ASAP2: variants seen among roughly 807,000 people sequenced by gnomAD.
ASAP2 encodes ArfGAP with SH3 domain, ankyrin repeat and PH domain 2.
A neutral mutation model predicts 131.4 loss-of-function variants in ASAP2; 45 were observed. That is an observed-to-expected ratio of 0.34 (90% CI 0.27 to 0.44). ASAP2 has a LOEUF of 0.44. Among genes scored for constraint, ASAP2 ranks in the 20% least tolerant of loss-of-function variants. The pLI is 1.00. For missense variants in ASAP2, 1,011 were observed against 1,297.0 expected, an observed-to-expected ratio of 0.78 and a Z score of 3.39; for synonymous variants, 510 against 503.0, an observed-to-expected ratio of 1.01 and a Z score of -0.19.
rs1672892582 is a variant in ASAP2, at chr2:9,358,866, G to A, written c.1438G>A (p.Val480Ile). ...CAGGATGCAGTCCCTGACCTTAGAT[G>A]TACTGGGAACATCTGAGCTGCTGGT... is the stretch of plus-strand genomic sequence containing the variant. ...YSRMQSLTLD[V>I]LGTSELLLAK... Residue 480 changes from valine (V) to isoleucine (I), a missense_variant, in exon 15 of 28, where the codon GTA becomes ATA. This residue lies in a region of ASAP2 where 359 missense variants were observed against 598.1 expected (regional missense o/e 0.60). Transcript: ENST00000281419. 1 of 1,612,108 alleles carries A rather than the reference G, an allele frequency of 6.2e-7. No individual in the cohort carries two copies. The highest frequency in any genetic ancestry group is 2.2e-5 in the East Asian group (1 of 44,802).
intron 2 of ASAP2, among the ~76,000 whole-genome samples, chr2:9,287,423 T>C (rs1013470010): frequency 2.0e-5 from 3 of 152,210 alleles, no homozygotes; most frequent in African/African-American, 7.2e-5. Flanking sequence ...AAGAAGAACC[T>C]GAAAACCTTA....
intron 16 of ASAP2, among the ~76,000 whole-genome samples, chr2:9,373,637 C>T (rs534734340): frequency 3.3e-5 from 5 of 152,322 alleles, no homozygotes; most frequent in African/African-American, 1.2e-4. Context: ...CAGCCATGGC[C>T]CCTTGCCATA....
At chr2:9,321,826 C>T (rs1035540506) in intron 5 of ASAP2, among the ~76,000 whole-genome samples, 2 of 152,074 alleles carry the variant, frequency 1.3e-5, no homozygotes, top group Non-Finnish European at 2.9e-5. Flanking sequence ...TCACAAAACC[C>T]TAGAATTTAG....
Position 9,232,579 on chromosome 2 carries a change from C to G in ASAP2, c.126+25349C>G, listed in dbSNP as rs368086842. ...AATTTATTTTCTATCTCCCCTTCTC[C>G]CCATTAGATCATAAGCTTCCTGGGG... is the stretch of plus-strand genomic sequence containing the variant. On this transcript the variant is annotated intron_variant, in intron 1 of 27. Transcript: ENST00000281419. This position sits in a 1 kb window ranked among gnomAD's most constrained non-coding sequence, Gnocchi z 4.1. 2.0e-5 allele frequency among the ~76,000 whole-genome samples: 3 copies of G among 152,166 alleles called. No individual in the cohort carries two copies. Among genetic ancestry groups the G allele is most frequent in the South Asian group, 2.1e-4 (1 of 4,828 alleles).
At chr2:9,304,063 G>A (rs754110796) in intron 3 of ASAP2, among the ~76,000 whole-genome samples, 4 of 152,140 alleles carry the variant, frequency 2.6e-5, no homozygotes, top group Non-Finnish European at 4.4e-5. Context: ...GGCAGCCTGC[G>A]GAGCCCTGAG....
chr2:9,305,586 T>TA (rs1404688520), intron 3 of ASAP2, among the ~76,000 whole-genome samples: 87 of 130,188 alleles, frequency 6.7e-4, no homozygotes, highest in South Asian at 1.1e-3. Flanking sequence ...GAGGTATAGA[T>TA]ATTGGAGGGT....
At chr2:9,298,693 A>T (rs939437668) in intron 3 of ASAP2, among the ~76,000 whole-genome samples, 7 of 151,976 alleles carry the variant, frequency 4.6e-5, no homozygotes, top group African/African-American at 1.5e-4. Flanking sequence ...GAGAAACTGC[A>T]TGGGCCCAGG....
At chr2:9,296,934 C>T (rs1403597269) in intron 2 of ASAP2, among the ~76,000 whole-genome samples, 2 of 152,150 alleles carry the variant, frequency 1.3e-5, no homozygotes, top group Non-Finnish European at 2.9e-5. Context: ...AGGAATGGGG[C>T]ATCTGTGGTT....
rs746414062 is a variant in ASAP2 at position 9,388,498 on chromosome 2, C to T, written c.2335C>T (p.Pro779Ser). 1.9e-6 allele frequency: 3 copies of T among 1,613,854 alleles called. No individual in the cohort carries two copies. Among genetic ancestry groups the T allele is most frequent in the South Asian group, 2.2e-5 (2 of 90,994 alleles). Residue 779 changes from proline to serine, a missense_variant, in exon 22 of 28, where the codon CCC (proline) becomes TCC (serine). By Grantham distance (74) the Pro-to-Ser change is moderately conservative (BLOSUM62 -1). This residue lies in a region of ASAP2 where 652 missense variants were observed against 698.9 expected (regional missense o/e 0.93). Transcript: ENST00000281419. ...CCCACCTCCCGCCCAGCCTGCAGCC[C>T]CCAGCACCACCAGCGCCCCCCCGCT... ...GSPPPAQPAA[P>S]STTSAPPLPP...
chr2:9,353,276 G>T (rs956506724), intron 12 of ASAP2, among the ~76,000 whole-genome samples: 1 of 151,140 alleles, frequency 6.6e-6, no homozygotes, highest in African/African-American at 2.5e-5. Context: ...CTTTTGAACT[G>T]CCTGGGTGGG....
chr2:9,227,755 T>C (rs1662880287), intron 1 of ASAP2, among the ~76,000 whole-genome samples: 1 of 152,262 alleles, frequency 6.6e-6, no homozygotes, highest in South Asian at 2.1e-4. Flanking sequence ...GGTAAGGTAT[T>C]TGTGAGTACA....
intron 1 of ASAP2, among the ~76,000 whole-genome samples, chr2:9,247,821 G>A (rs1258711507): frequency 6.6e-6 from 1 of 152,166 alleles, no homozygotes; most frequent in African/African-American, 2.4e-5. Flanking sequence ...TGTGCCTCGG[G>A]TTTAAAATCT....
At chr2:9,283,583 G>A (rs1048707167) in intron 2 of ASAP2, among the ~76,000 whole-genome samples, 3 of 152,126 alleles carry the variant, frequency 2.0e-5, no homozygotes, top group Admixed American at 1.3e-4. Flanking sequence ...GGTCATGGCC[G>A]GTGGTGTCTT....
At chr2:9,256,890 C>T (rs906795516) in intron 1 of ASAP2, among the ~76,000 whole-genome samples, 3 of 152,230 alleles carry the variant, frequency 2.0e-5, no homozygotes, top group African/African-American at 7.2e-5. Flanking sequence ...CCTGTCCACC[C>T]TCAGTCCTTG....
intron 1 of ASAP2, among the ~76,000 whole-genome samples, chr2:9,239,480 G>C (rs1001204721): frequency 6.6e-6 from 1 of 152,090 alleles, no homozygotes. Context: ...GGTGGGGGGA[G>C]ATAATAACAA....
Position 9,379,068 on chromosome 2 carries a change from G to T in ASAP2, c.1948+9G>T. The T allele has an allele frequency of 1.3e-6, 2 of 1,518,840 alleles. No homozygotes were observed. The highest frequency in any genetic ancestry group is 5.1e-5 in the East Asian group (2 of 39,602). The allele number at this position is 1,518,840 out of a possible 1,614,324, so 94.1% of individuals were successfully genotyped here. On this transcript the variant is annotated intron_variant, in intron 19 of 27. Transcript: ENST00000281419. ...GGCCTCCATCGAGATAGGTGAGTGG[G>T]CCCGGGCCCCGGGGGTGGGCTCAGC...
intron 2 of ASAP2, among the ~76,000 whole-genome samples, chr2:9,279,983 C>T (rs1572340548): frequency 6.6e-6 from 1 of 151,936 alleles, no homozygotes; most frequent in Non-Finnish European, 1.5e-5. Context: ...ACGAGTGATA[C>T]AAAATATTTT....
intron 4 of ASAP2, among the ~76,000 whole-genome samples, 163 bp from the exon 5 acceptor site, chr2:9,320,125 A>G (rs1262131341): frequency 6.6e-6 from 1 of 152,198 alleles, no homozygotes; most frequent in Non-Finnish European, 1.5e-5. Context: ...CCACTGGTCT[A>G]CTTAAAAGCA....
chr2:9,379,103 G>T, intron 19 of ASAP2, 44 bp downstream of exon 19: 2 of 1,365,228 alleles, frequency 1.5e-6, no homozygotes, highest in East Asian at 5.4e-5. Context: ...CTGCACCCTG[G>T]CCTCTGCCTC....
Sources: gnomAD v4.1 joint callset for allele counts (sites outside exome capture counted in the v4.1 genomes callset) on GRCh38, gnomAD v4.1.1 for gene constraint, gnomAD v4.1.1 regional missense constraint, Gnocchi (gnomAD v3.1) non-coding constraint, MANE v1.5 for transcripts, NCBI Gene and HGNC (gene_info 2026-07-23, HGNC 2026-07-21) for gene names.